Variants in AMPH observed in about 807,000 individuals in gnomAD.
AMPH encodes amphiphysin (Stiff-Mann syndrome with breast cancer 128kD autoantigen).
In AMPH, 49 loss-of-function variants were observed where a neutral mutation model predicts 99.1. The observed-to-expected ratio is 0.49, with a 90% CI of 0.39 to 0.63. AMPH has a LOEUF of 0.63. Ranked by LOEUF, AMPH falls within the 20% of genes least tolerant of loss-of-function variation. The probability of loss-of-function intolerance (pLI) is 0.00; values close to 1 mark genes in which losing one functional copy is unlikely to be tolerated. For synonymous variants in AMPH, 314 were observed against 317.3 expected (o/e 0.99, Z 0.11); for missense variants, 759 against 863.4 (o/e 0.88, Z 1.52).
intron 1 of AMPH, among the ~76,000 whole-genome samples, chr7:38,614,594 TA>T (rs1793806323): frequency 2.0e-5 from 3 of 152,170 alleles, no homozygotes; most frequent in Admixed American, 6.5e-5. Context: ...TGTAAGGTCA[TA>T]TTTGGAGGCA....
chr7:38,586,246 G>A (rs28413813), intron 1 of AMPH, among the ~76,000 whole-genome samples: 2,785 of 152,050 alleles, frequency 0.018, 89 homozygotes, highest in African/African-American at 0.064. Flanking sequence ...CCCACAAACC[G>A]TTTACCCAGC....
At chr7:38,427,173 CA>C (rs3056199) in intron 14 of AMPH, among the ~76,000 whole-genome samples, 187 bp from the exon 15 acceptor site, 86 of 147,154 alleles carry the variant, frequency 5.8e-4, no homozygotes, top group Middle Eastern at 3.4e-3. Flanking sequence ...AATAGGCTGA[CA>C]AAAAAAAAAA....
At chr7:38,443,831 G>T (rs73352646) in intron 11 of AMPH, among the ~76,000 whole-genome samples, 1 of 151,430 alleles carries the variant, frequency 6.6e-6, no homozygotes, top group Admixed American at 6.6e-5. Context: ...TATTCTGGTG[G>T]TACAAGAATG....
intron 5 of AMPH, among the ~76,000 whole-genome samples, chr7:38,485,095 T>C (rs1162704500): frequency 6.6e-6 from 1 of 151,592 alleles, no homozygotes; most frequent in African/African-American, 2.4e-5. Flanking sequence ...CAGAAAACAA[T>C]GAACAAAATG....
At chr7:38,476,637 A>G (rs1424063337) in intron 6 of AMPH, among the ~76,000 whole-genome samples, 1 of 152,192 alleles carries the variant, frequency 6.6e-6, no homozygotes, top group Non-Finnish European at 1.5e-5. Flanking sequence ...TGTAGGTCAA[A>G]GTTTATTCTG....
chr7:38,407,074 ATATGTGTGTGTGTGTGTGTGTGTG>A (rs1196125278), intron 17 of AMPH, among the ~76,000 whole-genome samples: 3 of 32,270 alleles, frequency 9.3e-5, no homozygotes, highest in Non-Finnish European at 1.2e-4. Flanking sequence ...ATATATATAT[ATATGTGTGTGTGTGTGTGTGTGTG>A]TGTGTGTGTG....
At chr7:38,614,388 T>C (rs982510207) in intron 1 of AMPH, among the ~76,000 whole-genome samples, 1 of 152,168 alleles carries the variant, frequency 6.6e-6, no homozygotes, top group Admixed American at 6.5e-5. Flanking sequence ...CCTGGAAAGA[T>C]GAAAATTGAG....
chr7:38,604,026 G>T (rs960297463), intron 1 of AMPH, among the ~76,000 whole-genome samples: 1 of 152,212 alleles, frequency 6.6e-6, no homozygotes, highest in Non-Finnish European at 1.5e-5. Flanking sequence ...TACAGTAGGA[G>T]AATTATATCC....
chr7:38,564,963 A>G (rs1271609809), intron 1 of AMPH, among the ~76,000 whole-genome samples: 1 of 152,018 alleles, frequency 6.6e-6, no homozygotes, highest in Non-Finnish European at 1.5e-5. Context: ...TCTCTACTAA[A>G]AATACAAAAA....
intron 17 of AMPH, among the ~76,000 whole-genome samples, chr7:38,415,151 A>G (rs981462751): frequency 1.3e-5 from 2 of 152,348 alleles, no homozygotes; most frequent in African/African-American, 4.8e-5. Context: ...CAAAAATGTA[A>G]TAATTAAACT....
Position 38,429,861 on chromosome 7 carries a change from C to T in AMPH, c.1163G>A (p.Ser388Asn), listed in dbSNP as rs1172238298. 9 of 1,603,984 alleles carry T rather than the reference C, an allele frequency of 5.6e-6. No individual in the cohort carries two copies. The highest frequency in any genetic ancestry group is 7.6e-6 in the Non-Finnish European group (9 of 1,177,732). Reference protein sequence around the residue: ...QTLPWDLWTTSTDLVQPASGG... With the variant: ...QTLPWDLWTTNTDLVQPASGG... The stretch of plus-strand genomic sequence containing the variant: ...ACCTACCGGCTGTACCAAATCAGTG[C>T]TTGTCTGTATGGGTAAAGAAAATAG... Residue 388 changes from serine (S) to asparagine (N), a missense_variant, in exon 14 of 21, where the codon AGC (serine) becomes AAC (asparagine). Ser to Asn is a conservative substitution (Grantham distance 46). This residue lies in a region of AMPH where 554 missense variants were observed against 575.6 expected (regional missense o/e 0.96). Transcript: ENST00000356264.
chr7:38,493,975 G>A (rs1034502980), intron 4 of AMPH, among the ~76,000 whole-genome samples: 1 of 152,018 alleles, frequency 6.6e-6, no homozygotes, highest in Non-Finnish European at 1.5e-5. Context: ...TATTTTCTTC[G>A]AGATGGAGTC....
chr7:38,599,123 C>A (rs533517453), intron 1 of AMPH, among the ~76,000 whole-genome samples: 1 of 152,254 alleles, frequency 6.6e-6, no homozygotes, highest in African/African-American at 2.4e-5. Flanking sequence ...TTGTGATAAA[C>A]CTTTTCAATT....
At chr7:38,574,647 A>T (rs1792165910) in intron 1 of AMPH, among the ~76,000 whole-genome samples, 1 of 152,202 alleles carries the variant, frequency 6.6e-6, no homozygotes, top group African/African-American at 2.4e-5. Flanking sequence ...GAATAACAGG[A>T]GTGATTATCA....
intron 1 of AMPH, among the ~76,000 whole-genome samples, chr7:38,624,379 T>TATTAGTATTAG (rs1554380218): frequency 4.6e-5 from 7 of 151,732 alleles, no homozygotes; most frequent in African/African-American, 1.5e-4. Flanking sequence ...CTTATTATTA[T>TATTAGTATTAG]TATTAGTATT....
At chr7:38,533,435 C>T (rs1025810542) in intron 2 of AMPH, among the ~76,000 whole-genome samples, 3 of 152,218 alleles carry the variant, frequency 2.0e-5, no homozygotes, top group African/African-American at 7.2e-5. Flanking sequence ...CATGCCAACA[C>T]TTAGTCTTGG....
intron 1 of AMPH, among the ~76,000 whole-genome samples, chr7:38,551,074 C>T (rs1791164349): frequency 6.6e-6 from 1 of 152,158 alleles, no homozygotes; most frequent in African/African-American, 2.4e-5. Context: ...CCTGCCCTTT[C>T]ATGTGGAAAC....
intron 1 of AMPH, among the ~76,000 whole-genome samples, chr7:38,612,500 C>A (rs2129066890): frequency 6.6e-6 from 1 of 152,256 alleles, no homozygotes; most frequent in East Asian, 1.9e-4. Context: ...CAGTCCTTTT[C>A]TACAGCCTAA....
At chr7:38,551,605 G>A (rs898885755) in intron 1 of AMPH, among the ~76,000 whole-genome samples, 2 of 152,172 alleles carry the variant, frequency 1.3e-5, no homozygotes, top group Non-Finnish European at 2.9e-5. Flanking sequence ...TGTCTAAAGA[G>A]TCTGAAGGGC....
Sources: allele counts gnomAD v4.1 joint callset (sites outside exome capture counted in the v4.1 genomes callset), GRCh38; gene constraint gnomAD v4.1.1; regional missense constraint gnomAD v4.1.1; transcripts MANE v1.5; gene names NCBI Gene and HGNC (gene_info 2026-07-23, HGNC 2026-07-21).